The following FHIT variants were observed in gnomAD, a reference collection of about 807,000 sequenced individuals.
The protein encoded by FHIT is fragile histidine triad diadenosine triphosphatase.
FHIT carries 19 observed loss-of-function variants against 17.9 expected under a neutral mutation model. The ratio of observed to expected loss-of-function variants is 1.06; its 90% CI spans 0.74 to 1.56. The LOEUF (loss-of-function observed/expected upper bound fraction) is 1.56. Ranked by LOEUF, FHIT falls within the 40% of genes most tolerant of loss-of-function variation. The probability of loss-of-function intolerance (pLI) is 0.00; values close to 1 mark genes in which losing one functional copy is unlikely to be tolerated. For synonymous variants in FHIT, 81 were observed against 69.7 expected (o/e 1.16, Z -0.81); for missense variants, 248 against 189.2 (o/e 1.31, Z -1.82).
intron 7 of FHIT, among the ~76,000 whole-genome samples, chr3:59,991,313 G>GA (rs1280342300): frequency 6.6e-6 from 1 of 151,970 alleles, no homozygotes; most frequent in Non-Finnish European, 1.5e-5. Flanking sequence ...TTGGTATTTA[G>GA]AAAAAAGACT....
chr3:59,803,334 C>A (rs190206998), intron 8 of FHIT, among the ~76,000 whole-genome samples: 2 of 152,118 alleles, frequency 1.3e-5, no homozygotes, highest in African/African-American at 4.8e-5. Flanking sequence ...CAGGCGAGCA[C>A]GGGGCCAGCG....
chr3:60,364,294 A>G, intron 5 of FHIT, among the ~76,000 whole-genome samples: 1 of 152,184 alleles, frequency 6.6e-6, no homozygotes, highest in African/African-American at 2.4e-5. Context: ...TTTCTGCTGG[A>G]AAATTCTAAC....
intron 5 of FHIT, among the ~76,000 whole-genome samples, chr3:60,512,839 C>A (rs187904097): frequency 6.6e-6 from 1 of 152,138 alleles, no homozygotes; most frequent in African/African-American, 2.4e-5. Context: ...TCATGAATAT[C>A]CAAGGGAGTT....
At chr3:59,876,795 A>G (rs1429726960) in intron 8 of FHIT, among the ~76,000 whole-genome samples, 1 of 152,142 alleles carries the variant, frequency 6.6e-6, no homozygotes, top group Non-Finnish European at 1.5e-5. Context: ...ACGTAACTCC[A>G]ATTTTGAGAG....
At chr3:60,209,869 G>C (rs1287707113) in intron 5 of FHIT, among the ~76,000 whole-genome samples, 1 of 152,006 alleles carries the variant, frequency 6.6e-6, no homozygotes, top group East Asian at 1.9e-4. Context: ...TCACTCATAA[G>C]GGGGAGTTGA....
At chr3:60,092,420 C>G (rs1703771716) in intron 5 of FHIT, among the ~76,000 whole-genome samples, 1 of 152,148 alleles carries the variant, frequency 6.6e-6, no homozygotes, top group Admixed American at 6.5e-5. Context: ...TACGAAGCAA[C>G]ATTTTATCTA....
At chr3:59,822,483 A>G (rs567934353) in intron 8 of FHIT, among the ~76,000 whole-genome samples, 1 of 152,068 alleles carries the variant, frequency 6.6e-6, no homozygotes, top group African/African-American at 2.4e-5. Context: ...TTTTTTTATC[A>G]TGGCCATTCT....
chr3:59,837,963 G>A (rs1048154778), intron 8 of FHIT, among the ~76,000 whole-genome samples: 7 of 152,050 alleles, frequency 4.6e-5, no homozygotes, highest in African/African-American at 1.7e-4. Flanking sequence ...TGTAAGCCTG[G>A]GGCAAATGTT....
At chr3:59,988,544 C>T (rs186941969) in intron 7 of FHIT, among the ~76,000 whole-genome samples, 49 of 152,172 alleles carry the variant, frequency 3.2e-4, no homozygotes, top group African/African-American at 1.1e-3. Flanking sequence ...TTTATTCACT[C>T]AGGTATTTTC....
At chr3:59,857,084 T>TGCTATC (rs1345629252) in intron 8 of FHIT, among the ~76,000 whole-genome samples, 5 of 152,226 alleles carry the variant, frequency 3.3e-5, no homozygotes, top group Non-Finnish European at 7.3e-5. Context: ...TATTACCAGC[T>TGCTATC]GCTATCGGGG....
intron 4 of FHIT, among the ~76,000 whole-genome samples, chr3:60,816,876 T>G (rs56290432): frequency 0.089 from 13,602 of 152,080 alleles, 658 homozygotes; most frequent in African/African-American, 0.1. Flanking sequence ...ATTAGTCCAC[T>G]GACATTTAGT....
chr3:60,820,118 G>C (rs1452744765), intron 4 of FHIT, among the ~76,000 whole-genome samples: 3 of 152,018 alleles, frequency 2.0e-5, no homozygotes, highest in Non-Finnish European at 4.4e-5. Context: ...GACCAGCCTG[G>C]CCAACACGGT....
At chr3:60,346,626 C>A (rs1200947769) in intron 5 of FHIT, among the ~76,000 whole-genome samples, 1 of 152,176 alleles carries the variant, frequency 6.6e-6, no homozygotes, top group East Asian at 1.9e-4. Flanking sequence ...TTCCATTCCC[C>A]TCATCCTTCA....
At chr3:60,435,042 G>A (rs949306614) in intron 5 of FHIT, among the ~76,000 whole-genome samples, 14 of 152,040 alleles carry the variant, frequency 9.2e-5, no homozygotes, top group Non-Finnish European at 2.1e-4. Flanking sequence ...AAAATACAAA[G>A]TATCCTTATC....
intron 1 of FHIT, among the ~76,000 whole-genome samples, chr3:61,249,443 T>C (rs2040560464): frequency 1.3e-5 from 2 of 152,252 alleles, no homozygotes. Flanking sequence ...AGTATCTAAG[T>C]ACAGAGGCAG....
chr3:60,488,287 C>T (rs890115536), intron 5 of FHIT, among the ~76,000 whole-genome samples: 1 of 152,158 alleles, frequency 6.6e-6, no homozygotes, highest in Admixed American at 6.6e-5. Flanking sequence ...CTAGTGTGTT[C>T]CAGGCACCAT....
chr3:59,913,379 C>G (rs1704976959), intron 8 of FHIT, among the ~76,000 whole-genome samples: 1 of 152,098 alleles, frequency 6.6e-6, no homozygotes, highest in Non-Finnish European at 1.5e-5. Context: ...GTGATAGAAA[C>G]AGGGACGGCT....
At chr3:59,904,005 C>T (rs1483178873) in intron 8 of FHIT, among the ~76,000 whole-genome samples, 1 of 151,782 alleles carries the variant, frequency 6.6e-6, no homozygotes, top group Admixed American at 6.6e-5. Flanking sequence ...TTAGTTAGGG[C>T]CTGAAGAAAG....
intron 5 of FHIT, among the ~76,000 whole-genome samples, chr3:60,248,429 G>T (rs967213580): frequency 6.6e-6 from 1 of 152,120 alleles, no homozygotes; most frequent in Non-Finnish European, 1.5e-5. Flanking sequence ...CCCCTTCAGG[G>T]TGTATGAGAC....
Sources: allele counts gnomAD v4.1 joint callset (sites outside exome capture counted in the v4.1 genomes callset), GRCh38; gene constraint gnomAD v4.1.1; transcripts MANE v1.5; gene names NCBI Gene and HGNC (gene_info 2026-07-23, HGNC 2026-07-21).